The following HOOK3 variants were observed in gnomAD, a reference collection of about 807,000 sequenced individuals.
HOOK3 encodes the protein hook microtubule tethering protein 3, also known as protein Hook homolog 3.
Under a neutral mutation model 116.3 loss-of-function variants are expected in HOOK3, and 24 were observed. The observed-to-expected ratio is 0.21, with a 90% confidence interval of 0.15 to 0.29. The LOEUF (loss-of-function observed/expected upper bound fraction) is 0.29, where lower values mean the gene tolerates loss of function less well. HOOK3 is among the 10% of genes least tolerant of loss of function. The pLI, the probability that HOOK3 is intolerant of heterozygous loss-of-function variation, is 1.00. For missense variants in HOOK3, 632 were observed against 830.2 expected (o/e 0.76, Z 2.93); for synonymous variants, 275 against 283.0 (o/e 0.97, Z 0.28).
chr8:42,956,592 G>GT (rs1360695011), intron 6 of HOOK3, among the ~76,000 whole-genome samples: 4 of 151,536 alleles, frequency 2.6e-5, no homozygotes, highest in Non-Finnish European at 5.9e-5. Flanking sequence ...TTTGTTTTTT[G>GT]TTTTTTGTTT....
At chr8:42,956,871 C>T (rs1808446464) in intron 6 of HOOK3, among the ~76,000 whole-genome samples, 2 of 152,312 alleles carry the variant, frequency 1.3e-5, no homozygotes, top group South Asian at 2.1e-4. Context: ...CGTGAGCCAC[C>T]GCGCCCAGCC....
At chr8:42,910,182 A>G (rs922386690) in intron 2 of HOOK3, among the ~76,000 whole-genome samples, 1 of 152,234 alleles carries the variant, frequency 6.6e-6, no homozygotes, top group African/African-American at 2.4e-5. Context: ...TTTTGTACCC[A>G]TAAATATAGT....
chr8:42,979,652 C>A (rs530013906), intron 13 of HOOK3, among the ~76,000 whole-genome samples: 1 of 152,236 alleles, frequency 6.6e-6, no homozygotes, highest in South Asian at 2.1e-4. Flanking sequence ...TATTAATCAG[C>A]TCTCTTCTTG....
At position 43,024,474 on chromosome 8, in the gene HOOK3, T is replaced by C. The variant is rs1809896248; in HGVS notation, c.*5976T>C. On this transcript the variant is annotated 3_prime_UTR_variant, in exon 22 of 22. Coordinates refer to ENST00000307602, the MANE Select transcript of HOOK3 (RefSeq NM_032410.4). ...ATTCAATAAGGATAATCTCTCTTCC[T>C]ATCATTCTGTCAAAATGGCAGTTTC... 5.4e-6 allele frequency: 1 copy of C among 186,388 alleles called. No homozygotes were observed. Among genetic ancestry groups the C allele is most frequent in the Admixed American group, 6.2e-5 (1 of 16,100 alleles). 11.5% of individuals were successfully genotyped at this position (186,388 alleles called of 1,614,324 possible). A position where few individuals can be genotyped will look rare whatever the true frequency, so the allele number is the denominator to read the frequency against.
intron 2 of HOOK3, among the ~76,000 whole-genome samples, chr8:42,920,652 C>A (rs1015077551): frequency 6.6e-6 from 1 of 152,160 alleles, no homozygotes; most frequent in African/African-American, 2.4e-5. Flanking sequence ...GGATAATTAG[C>A]CACAGGGCCT....
chr8:42,916,061 A>C (rs1807526858), intron 2 of HOOK3, among the ~76,000 whole-genome samples: 1 of 152,090 alleles, frequency 6.6e-6, no homozygotes, highest in Non-Finnish European at 1.5e-5. Context: ...CTCCTGCCTA[A>C]ATGCTTTGGC....
chr8:43,024,440 G>A lies in HOOK3; in HGVS notation c.*5942G>A, dbSNP rs1809895696. Reference sequence around the variant, plus strand: ...ATTTTTTCATTTTTATAAATTAGAAGGATTTTCCATTCAATAAGGATAATC... The same window carrying A: ...ATTTTTTCATTTTTATAAATTAGAAAGATTTTCCATTCAATAAGGATAATC... On this transcript the variant is annotated 3_prime_UTR_variant, in exon 22 of 22. Transcript: ENST00000307602. 1 of 185,260 alleles carries A rather than the reference G, an allele frequency of 5.4e-6. No individual in the cohort carries two copies. The highest frequency in any genetic ancestry group is 2.3e-5 in the African/African-American group (1 of 42,570). The allele number at this position is 185,260 out of a possible 1,614,324, so 11.5% of individuals were successfully genotyped here.
intron 4 of HOOK3, among the ~76,000 whole-genome samples, chr8:42,940,104 C>G (rs1415997602): frequency 6.6e-6 from 1 of 152,256 alleles, no homozygotes; most frequent in African/African-American, 2.4e-5. Flanking sequence ...AGGCTGCAAT[C>G]TCGGCACTTT....
At chr8:42,950,814 T>A (rs1364464649) in intron 6 of HOOK3, among the ~76,000 whole-genome samples, 2 of 152,040 alleles carry the variant, frequency 1.3e-5, no homozygotes, top group African/African-American at 4.8e-5. Flanking sequence ...CTCTCCCGAA[T>A]AGCTGGGACT....
chr8:42,949,091 T>A (rs1808290408), intron 5 of HOOK3, among the ~76,000 whole-genome samples: 1 of 152,254 alleles, frequency 6.6e-6, no homozygotes, highest in Non-Finnish European at 1.5e-5. Context: ...ATGAATCTCT[T>A]GTCAAAAGAG....
intron 6 of HOOK3, among the ~76,000 whole-genome samples, chr8:42,953,849 T>A (rs567247561): frequency 6.6e-6 from 1 of 152,150 alleles, no homozygotes; most frequent in Admixed American, 6.5e-5. Flanking sequence ...AAACAGAGAG[T>A]TTGAGTAACT....
intron 16 of HOOK3, among the ~76,000 whole-genome samples, chr8:42,998,881 T>C (rs1809330391): frequency 6.6e-6 from 1 of 152,214 alleles, no homozygotes; most frequent in Non-Finnish European, 1.5e-5. Context: ...AAACTACCAT[T>C]AGTGTATTGA....
At chr8:42,939,340 C>CG (rs1171967813) in intron 4 of HOOK3, among the ~76,000 whole-genome samples, 11 of 150,272 alleles carry the variant, frequency 7.3e-5, no homozygotes, top group Admixed American at 2.0e-4. Flanking sequence ...GCTGGTCGGG[C>CG]GGGGGGCTGA....
In HOOK3 at chr8:43,013,215, T is replaced by G. The variant is rs1809645930; in HGVS notation, c.1944+60T>G. On this transcript the variant is annotated intron_variant, in intron 20 of 21. Coordinates refer to ENST00000307602, the MANE Select transcript of HOOK3 (RefSeq NM_032410.4). ...TTTTGATTTTAATGTTTTGGGAGCC[T>G]TGTTATATTTTACAATTGTGTTCAT... 28 of 1,434,328 alleles carry G rather than the reference T, an allele frequency of 2.0e-5. 1 individual carries two copies. In the South Asian group the frequency reaches 3.5e-4, roughly 18 times the overall value. 88.9% of individuals were successfully genotyped at this position (1,434,328 alleles called of 1,614,324 possible).
At chr8:43,004,039 G>T (rs1421024900) in intron 17 of HOOK3, among the ~76,000 whole-genome samples, 2 of 152,112 alleles carry the variant, frequency 1.3e-5, no homozygotes, top group African/African-American at 2.4e-5. Context: ...AGGAGCCACA[G>T]ATATCTCCAA....
intron 17 of HOOK3, among the ~76,000 whole-genome samples, chr8:43,004,510 A>G (rs574878797): frequency 6.6e-6 from 1 of 151,542 alleles, no homozygotes; most frequent in East Asian, 1.9e-4. Context: ...GTGAAGCCTC[A>G]TCTCTACTAG....
intron 4 of HOOK3, among the ~76,000 whole-genome samples, chr8:42,939,286 A>C (rs993829372): frequency 2.9e-4 from 44 of 151,158 alleles, no homozygotes; most frequent in African/African-American, 1.0e-3. Flanking sequence ...ACTTCCCAGT[A>C]GGGGCGGCCG....
At chr8:43,009,756 T>C (rs1809568296) in intron 18 of HOOK3, among the ~76,000 whole-genome samples, 1 of 152,214 alleles carries the variant, frequency 6.6e-6, no homozygotes, top group Non-Finnish European at 1.5e-5. Flanking sequence ...CTCTCACTTT[T>C]ACCCATCTAC....
chr8:42,904,769 C>T (rs76517024), intron 1 of HOOK3, among the ~76,000 whole-genome samples: 2,324 of 152,222 alleles, frequency 0.015, 31 homozygotes, highest in Non-Finnish European at 0.022. Flanking sequence ...TAATTCTCCC[C>T]TGTTCTGTTT....
Sources: gnomAD v4.1 joint callset for allele counts (sites outside exome capture counted in the v4.1 genomes callset) on GRCh38, gnomAD v4.1.1 for gene constraint, MANE v1.5 for transcripts, NCBI Gene and HGNC (gene_info 2026-07-23, HGNC 2026-07-21) for gene names.